Variants in ZBTB7A observed in about 807,000 individuals in gnomAD.
ZBTB7A encodes zinc finger and BTB domain-containing protein 7A.
A neutral mutation model predicts 26.7 loss-of-function variants in ZBTB7A; 7 were observed. The observed-to-expected ratio is 0.26, with a 90% CI of 0.15 to 0.49. The LOEUF is 0.49. Ranked by LOEUF, ZBTB7A falls within the 20% of genes least tolerant of loss-of-function variation. The pLI, the probability that ZBTB7A is intolerant of heterozygous loss-of-function variation, is 0.98. For missense variants in ZBTB7A, 617 were observed against 919.5 expected (o/e 0.67, Z 4.25); for synonymous variants, 452 against 441.0 (o/e 1.02, Z -0.31).
chr19:4,048,221 A>G lies in ZBTB7A; in HGVS notation c.1286T>C (p.Met429Thr), dbSNP rs1346337383. The change falls in exon 3 of 3, where the codon ATG becomes ACG. Residue 429 changes from methionine to threonine, a missense_variant. By Grantham distance (81) the Met-to-Thr change is moderately conservative. Around this residue, in one of 5 missense-constraint regions of ZBTB7A, gnomAD observed 41 missense variants for 167.6 expected, o/e 0.24. Coordinates refer to ENST00000322357, the MANE Select transcript of ZBTB7A (RefSeq NM_015898.4). This position sits in a 1 kb window ranked among gnomAD's most constrained non-coding sequence, Gnocchi z 6.7. ...FTRQDKLKVH[M>T]RKHTGEKPYL... ...CGGCTTCTCGCCCGTGTGCTTCCGC[A>G]TGTGCACCTTCAGCTTGTCCTGCCT... is the stretch of plus-strand genomic sequence containing the variant. 1 of 1,592,912 alleles carries G rather than the reference A, an allele frequency of 6.3e-7. No homozygotes were observed. Among genetic ancestry groups the G allele is most frequent in the Admixed American group, 1.7e-5 (1 of 58,206 alleles).
chr19:4,066,382 G>A (rs1165949079), intron 1 of ZBTB7A, among the ~76,000 whole-genome samples: 22 of 62,104 alleles, frequency 3.5e-4, no homozygotes, highest in African/African-American at 1.4e-3. Context: ...CCCCTCCCCC[G>A]CTCCCCGCGC....
rs1031029361 is a variant in ZBTB7A, at chr19:4,047,595, C to T, written c.*157G>A. On this transcript the variant is annotated 3_prime_UTR_variant, in exon 3 of 3. Transcript: ENST00000322357. ...GAAAGCGCTACCCTAGATTCTGTGACGCGTCATATATATATATCTGTATAT... is the reference window on the plus strand; with the variant it reads ...GAAAGCGCTACCCTAGATTCTGTGATGCGTCATATATATATATCTGTATAT... 4 of 576,022 alleles carry T rather than the reference C, an allele frequency of 6.9e-6. No homozygotes were observed. Among genetic ancestry groups the T allele is most frequent in the Non-Finnish European group, 1.0e-5 (4 of 397,638 alleles). 35.7% of individuals were successfully genotyped at this position (576,022 alleles called of 1,614,324 possible). A position where few individuals can be genotyped will look rare whatever the true frequency, so the allele number is the denominator to read the frequency against.
At chr19:4,055,940 G>A (rs1210979243) in intron 1 of ZBTB7A, among the ~76,000 whole-genome samples, 1 of 152,190 alleles carries the variant, frequency 6.6e-6, no homozygotes, top group African/African-American at 2.4e-5. Context: ...TTTTCCATCT[G>A]TGCATGAGGA....
chr19:4,053,842 C>T, intron 2 of ZBTB7A, 129 bp downstream of exon 2: 3 of 1,069,598 alleles, frequency 2.8e-6, no homozygotes, highest in Non-Finnish European at 4.0e-6. Flanking sequence ...TGTCTGTGTG[C>T]ACGTGCGTGT....
Position 4,047,854 on chromosome 19 carries a change from G to T in ZBTB7A, c.1653C>A (p.Asp551Glu). Residue 551 changes from aspartate to glutamate, a missense_variant, in exon 3 of 3, where the codon GAC becomes GAA. By Grantham distance (45) the Asp-to-Glu change is conservative. Around this residue, in one of 5 missense-constraint regions of ZBTB7A, gnomAD observed 136 missense variants for 126.6 expected, o/e 1.07. Coordinates refer to ENST00000322357, the MANE Select transcript of ZBTB7A (RefSeq NM_015898.4). ...CCGCTACATTCAACCGGCCCAAGCC[G>T]TCGGGGCTGGCCACGTCCTCGTCCT... ...EDEDEDVASP[D>E]GLGRLNVAGA... The T allele has an allele frequency of 6.2e-7, 1 of 1,605,084 alleles. No individual in the cohort carries two copies. Among genetic ancestry groups the T allele is most frequent in the Admixed American group, 1.7e-5 (1 of 59,122 alleles).
In ZBTB7A at chr19:4,045,110, C is replaced by G. The variant is rs2040398170; in HGVS notation, c.*2642G>C. The G allele has an allele frequency of 6.6e-6, 1 of 152,180 alleles. No individual in the cohort carries two copies. Among genetic ancestry groups the G allele is most frequent in the African/African-American group, 2.4e-5 (1 of 41,420 alleles). 9.4% of individuals were successfully genotyped at this position (152,180 alleles called of 1,614,324 possible). ...AGGAACGAGGGTTTAGTGCAATCCC[C>G]GAGGTCTGTGTAAGTGTCGCGGTGG... On this transcript the variant is annotated 3_prime_UTR_variant, in exon 3 of 3. Transcript: ENST00000322357. The surrounding 1 kb of genome is among the most constrained non-coding windows in gnomAD (Gnocchi z 4.1).
chr19:4,061,434 C>G (rs2145005895), intron 1 of ZBTB7A, among the ~76,000 whole-genome samples: 1 of 152,234 alleles, frequency 6.6e-6, no homozygotes, highest in African/African-American at 2.4e-5. Context: ...CCCGCCCTGA[C>G]CTGGTGCCAA....
In ZBTB7A at chr19:4,052,105, G is replaced by T. The variant is rs1290703535; in HGVS notation, c.1262+1866C>A. On this transcript the variant is annotated intron_variant, in intron 2 of 2. Coordinates refer to ENST00000322357, the MANE Select transcript of ZBTB7A (RefSeq NM_015898.4). The surrounding 1 kb of genome is among the most constrained non-coding windows in gnomAD (Gnocchi z 4.9). ...GTGGGAGGAAGAGGTCTCCACAATT[G>T]TCCCTCTCTAAGCCTCAGTTTCTCT... 1.3e-5 allele frequency among the ~76,000 whole-genome samples: 2 copies of T among 152,142 alleles called. No individual in the cohort carries two copies. Among genetic ancestry groups the T allele is most frequent in the African/African-American group, 4.8e-5 (2 of 41,432 alleles).
In ZBTB7A at chr19:4,046,096, GGAA is replaced by G. The variant is rs1409525336; in HGVS notation, c.*1653_*1655del. The G allele has an allele frequency of 7.5e-6, 3 of 398,932 alleles. No individual in the cohort carries two copies. The highest frequency in any genetic ancestry group is 1.3e-5 in the Non-Finnish European group (3 of 226,094). 24.7% of individuals were successfully genotyped at this position (398,932 alleles called of 1,614,324 possible). A position where few individuals can be genotyped will look rare whatever the true frequency, so the allele number is the denominator to read the frequency against. ...AGGCCCATCCCTGAGCTAGGGAGGA[GGAA>G]GGAGAGACCCCGTGGACAGAAGCGG... On this transcript the variant is annotated 3_prime_UTR_variant, in exon 3 of 3. Coordinates refer to ENST00000322357, the MANE Select transcript of ZBTB7A (RefSeq NM_015898.4).
chr19:4,064,906 G>C (rs2040676260), intron 1 of ZBTB7A, among the ~76,000 whole-genome samples: 1 of 152,030 alleles, frequency 6.6e-6, no homozygotes, highest in African/African-American at 2.4e-5. Flanking sequence ...CGGGTGGACA[G>C]CAACCTCCCG....
Position 4,052,572 on chromosome 19 carries a change from G to A in ZBTB7A, c.1262+1399C>T, listed in dbSNP as rs1473287166. On this transcript the variant is annotated intron_variant, in intron 2 of 2. Coordinates refer to ENST00000322357, the MANE Select transcript of ZBTB7A (RefSeq NM_015898.4). The surrounding 1 kb of genome is among the most constrained non-coding windows in gnomAD (Gnocchi z 4.9). ...GGTGGGGTTGGGAAGCTGGGACAAT[G>A]GCCTCTTTCTTCAGCCTCGGTGGGC... Among the ~76,000 whole-genome samples the A allele has an allele frequency of 2.0e-5, 3 of 152,110 alleles. No individual in the cohort carries two copies. The highest frequency in any genetic ancestry group is 6.5e-5 in the Admixed American group (1 of 15,278).
At position 4,046,210 on chromosome 19, in the gene ZBTB7A, GC is replaced by G; in HGVS notation, c.*1541del. The G allele has an allele frequency of 2.5e-6, 1 of 397,134 alleles. No homozygotes were observed. The highest frequency in any genetic ancestry group is 1.4e-4 in the South Asian group (1 of 7,052). 24.6% of individuals were successfully genotyped at this position (397,134 alleles called of 1,614,324 possible). A position where few individuals can be genotyped will look rare whatever the true frequency, so the allele number is the denominator to read the frequency against. ...CACAGCACGAACACCCCACAGTCCTGCCTTCGAGGCTGACGTCTGGGGGTGA... is the reference window on the plus strand; with the variant it reads ...CACAGCACGAACACCCCACAGTCCTGCTTCGAGGCTGACGTCTGGGGGTGA... On this transcript the variant is annotated 3_prime_UTR_variant, in exon 3 of 3. Transcript: ENST00000322357.
intron 1 of ZBTB7A, among the ~76,000 whole-genome samples, chr19:4,056,410 G>A (rs1355904532): frequency 6.6e-6 from 1 of 152,188 alleles, no homozygotes; most frequent in East Asian, 1.9e-4. Flanking sequence ...CTCCGAGGAG[G>A]GCCCCCGGGA....
At chr19:4,058,304 C>A (rs2040603431) in intron 1 of ZBTB7A, among the ~76,000 whole-genome samples, 1 of 152,242 alleles carries the variant, frequency 6.6e-6, no homozygotes, top group African/African-American at 2.4e-5. Context: ...CTCAGCCACC[C>A]CAGCTGAGCT....
Position 4,046,416 on chromosome 19 carries a change from CTCTCTCTCTCGCTCGCTT to C in ZBTB7A, c.*1318_*1335del, listed in dbSNP as rs1270089281. The C allele has an allele frequency of 6.3e-6, 1 of 159,708 alleles. No individual in the cohort carries two copies. The highest frequency in any genetic ancestry group is 2.6e-5 in the African/African-American group (1 of 38,202). 9.9% of individuals were successfully genotyped at this position (159,708 alleles called of 1,614,324 possible). On this transcript the variant is annotated 3_prime_UTR_variant, in exon 3 of 3. Transcript: ENST00000322357. ...TCTTCTGCTCTCGCTCTCTCTCTCG[CTCTCTCTCTCGCTCGCTT>C]TTTTTTTTTTTTTTTGTCTTTTCAA...
In ZBTB7A at chr19:4,052,458, G is replaced by A. The variant is rs1335162482; in HGVS notation, c.1262+1513C>T. On this transcript the variant is annotated intron_variant, in intron 2 of 2. Transcript: ENST00000322357. This position sits in a 1 kb window ranked among gnomAD's most constrained non-coding sequence, Gnocchi z 4.9. The stretch of plus-strand genomic sequence containing the variant: ...CCCCTGCCTGGCACTCCTGGGCGCC[G>A]GAGTCCAGGCCGCACCTTCCTCTCC... Among the ~76,000 whole-genome samples the A allele has an allele frequency of 2.0e-5, 3 of 152,012 alleles. No individual in the cohort carries two copies. The highest frequency in any genetic ancestry group is 2.1e-4 in the South Asian group (1 of 4,828).
At chr19:4,058,295 T>G (rs1453399310) in intron 1 of ZBTB7A, among the ~76,000 whole-genome samples, 2 of 152,006 alleles carry the variant, frequency 1.3e-5, no homozygotes, top group South Asian at 4.1e-4. Flanking sequence ...TCCCCAACTC[T>G]CAGCCACCCC....
At chr19:4,051,985 C>T (rs2040508635) in intron 2 of ZBTB7A, among the ~76,000 whole-genome samples, 1 of 152,046 alleles carries the variant, frequency 6.6e-6, no homozygotes, top group Non-Finnish European at 1.5e-5. Context: ...CCTCGGGCTC[C>T]CAGGCTTTTG....
intron 1 of ZBTB7A, among the ~76,000 whole-genome samples, chr19:4,060,500 GCCCAGTCGAGGTCACACAGCAGCCCTC>G (rs1027772676): frequency 1.3e-5 from 2 of 152,246 alleles, no homozygotes; most frequent in African/African-American, 4.8e-5. Context: ...AGGTGAGGCG[GCCCAGTCGAGGTCACACAGCAGCCCTC>G]TGATCTGGGC....
Sources: allele counts gnomAD v4.1 joint callset (sites outside exome capture counted in the v4.1 genomes callset), GRCh38; gene constraint gnomAD v4.1.1; regional missense constraint gnomAD v4.1.1; non-coding constraint Gnocchi (gnomAD v3.1); transcripts MANE v1.5; gene names NCBI Gene and HGNC (gene_info 2026-07-23, HGNC 2026-07-21).